NT5DC1: variants seen among roughly 807,000 people sequenced by gnomAD.
The protein encoded by NT5DC1 is 5'-nucleotidase domain-containing protein 1.
Under a neutral mutation model 59.4 loss-of-function variants are expected in NT5DC1, and 42 were observed. The ratio of observed to expected loss-of-function variants is 0.71; its 90% CI spans 0.55 to 0.92. NT5DC1 has a LOEUF of 0.92. NT5DC1 is among the 40% of genes least tolerant of loss of function. The pLI is 0.00. For missense variants in NT5DC1, 501 were observed against 537.1 expected (o/e 0.93, Z 0.66); for synonymous variants, 172 against 188.1 (o/e 0.91, Z 0.70).
chr6:116,235,574 C>G (rs1782099944), intron 8 of NT5DC1, among the ~76,000 whole-genome samples: 2 of 152,198 alleles, frequency 1.3e-5, no homozygotes, highest in African/African-American at 4.8e-5. Flanking sequence ...TGCAGAAATG[C>G]ACTTTATTAT....
intron 6 of NT5DC1, among the ~76,000 whole-genome samples, chr6:116,203,389 A>G (rs1046040384): frequency 6.6e-6 from 1 of 151,950 alleles, no homozygotes; most frequent in African/African-American, 2.4e-5. Context: ...CCTTCTAGCC[A>G]ACATCCCTTT....
At chr6:116,237,238 T>G (rs996837383) in intron 9 of NT5DC1, among the ~76,000 whole-genome samples, 154 bp downstream of exon 9, 16 of 152,128 alleles carry the variant, frequency 1.1e-4, no homozygotes, top group South Asian at 2.1e-4. Context: ...GGAGCAAGGA[T>G]TCCAAGCAGG....
intron 6 of NT5DC1, among the ~76,000 whole-genome samples, chr6:116,180,543 C>G (rs140605751): frequency 2.0e-3 from 303 of 152,166 alleles, no homozygotes; most frequent in Admixed American, 3.9e-3. Context: ...ATTGCTTAAT[C>G]TTATCACAAA....
chr6:116,158,953 G>A (rs1335402938), intron 6 of NT5DC1, among the ~76,000 whole-genome samples: 1 of 152,086 alleles, frequency 6.6e-6, no homozygotes, highest in Admixed American at 6.5e-5. Flanking sequence ...GATCCCATGT[G>A]TAAATGCAAG....
At chr6:116,219,882 A>G (rs1465063323) in intron 6 of NT5DC1, among the ~76,000 whole-genome samples, 2 of 148,478 alleles carry the variant, frequency 1.3e-5, no homozygotes, top group African/African-American at 2.5e-5. Flanking sequence ...GAATCACTTG[A>G]ACCCGGGAGG....
intron 6 of NT5DC1, among the ~76,000 whole-genome samples, chr6:116,161,434 C>G (rs1377101705): frequency 1.3e-5 from 2 of 151,648 alleles, no homozygotes; most frequent in Non-Finnish European, 2.9e-5. Flanking sequence ...AAATAGGGGT[C>G]CAGTTTTATT....
Position 116,127,963 on chromosome 6 carries a change from A to T in NT5DC1, c.529+10018A>T, listed in dbSNP as rs545099922. Among the ~76,000 whole-genome samples the T allele has an allele frequency of 1.3e-3, 202 of 152,146 alleles. 1 individual carries two copies. Among genetic ancestry groups the T allele is most frequent in the African/African-American group, 4.8e-3 (198 of 41,528 alleles). ...TTTATCAACACAATGAAAAGTTTGG[A>T]CTAGGTGGTTTCTAAGCTCCTCCCA... On this transcript the variant is annotated intron_variant, in intron 6 of 11. Transcript: ENST00000319550.
chr6:116,156,426 C>G (rs540400463), intron 6 of NT5DC1, among the ~76,000 whole-genome samples: 1 of 152,266 alleles, frequency 6.6e-6, no homozygotes, highest in South Asian at 2.1e-4. Flanking sequence ...GTTCCATTAT[C>G]TTTGCTTTCA....
At chr6:116,177,518 A>G (rs1582854399) in intron 6 of NT5DC1, among the ~76,000 whole-genome samples, 2 of 152,168 alleles carry the variant, frequency 1.3e-5, no homozygotes, top group East Asian at 3.8e-4. Flanking sequence ...GTAAGCCACT[A>G]AGTACTAAAT....
At chr6:116,221,976 C>T (rs1781817873) in intron 7 of NT5DC1, among the ~76,000 whole-genome samples, 1 of 152,142 alleles carries the variant, frequency 6.6e-6, no homozygotes, top group Admixed American at 6.6e-5. Context: ...TTAGGTCTCC[C>T]CTAATGTTTC....
chr6:116,204,437 T>C (rs1379422587), intron 6 of NT5DC1, among the ~76,000 whole-genome samples: 1 of 151,956 alleles, frequency 6.6e-6, no homozygotes, highest in South Asian at 2.1e-4. Flanking sequence ...TTTCACTTAG[T>C]ATATCAGCAA....
In NT5DC1 at chr6:116,121,811, G is replaced by A; in HGVS notation, c.529+3866G>A. The A allele has an allele frequency of 6.2e-7, 1 of 1,613,942 alleles. No individual in the cohort carries two copies. Among genetic ancestry groups the A allele is most frequent in the Non-Finnish European group, 8.5e-7 (1 of 1,179,956 alleles). On this transcript the variant is annotated intron_variant, in intron 6 of 11. Transcript: ENST00000319550. ...CACACCTGGTTTCCCTACAGCTGAT[G>A]GTCCCGGTGGTCCTGGCAACCCTGG...
intron 6 of NT5DC1, among the ~76,000 whole-genome samples, chr6:116,162,991 G>A (rs1470449152): frequency 6.6e-6 from 1 of 151,540 alleles, no homozygotes; most frequent in Non-Finnish European, 1.5e-5. Context: ...GCCAGGCGTG[G>A]CGGCAGGCAC....
chr6:116,211,669 C>G (rs1240073598), intron 6 of NT5DC1, among the ~76,000 whole-genome samples: 2 of 151,940 alleles, frequency 1.3e-5, no homozygotes, highest in African/African-American at 2.4e-5. Flanking sequence ...ATATTTATTC[C>G]TGGACAAACT....
intron 6 of NT5DC1, among the ~76,000 whole-genome samples, chr6:116,188,718 T>G (rs1447765484): frequency 1.3e-5 from 2 of 151,580 alleles, no homozygotes; most frequent in Non-Finnish European, 2.9e-5. Flanking sequence ...TTTTTTTTTT[T>G]TACCTGATTA....
intron 6 of NT5DC1, among the ~76,000 whole-genome samples, chr6:116,118,488 A>G (rs1779011663): frequency 6.6e-6 from 1 of 152,166 alleles, no homozygotes; most frequent in Admixed American, 6.5e-5. Context: ...TACCTCAGTG[A>G]CTTGAGCCAC....
rs192864147 is a variant in NT5DC1, at chr6:116,122,903, A to C, written c.529+4958A>C. 7.0e-3 allele frequency among the ~76,000 whole-genome samples: 1,069 copies of C among 152,330 alleles called. 7 individuals carry two copies. The highest frequency in any genetic ancestry group is 0.012 in the Non-Finnish European group (845 of 68,020). On this transcript the variant is annotated intron_variant, in intron 6 of 11. Transcript: ENST00000319550. The stretch of plus-strand genomic sequence containing the variant: ...TAGAGCTTTCCCCATGGATTTTCAG[A>C]AAATGACATCAGGAAAAAGACTGTG...
At chr6:116,213,750 G>A (rs1461087916) in intron 6 of NT5DC1, among the ~76,000 whole-genome samples, 1 of 152,046 alleles carries the variant, frequency 6.6e-6, no homozygotes, top group Non-Finnish European at 1.5e-5. Context: ...GAGAAGTGCT[G>A]TAACAGGCAC....
At chr6:116,226,158 A>G (rs1439192821) in intron 8 of NT5DC1, among the ~76,000 whole-genome samples, 3 of 152,164 alleles carry the variant, frequency 2.0e-5, no homozygotes, top group African/African-American at 7.2e-5. Flanking sequence ...AATTCTAATA[A>G]TATTCTTATA....
Sources: gnomAD v4.1 joint callset for allele counts (sites outside exome capture counted in the v4.1 genomes callset) on GRCh38, gnomAD v4.1.1 for gene constraint, MANE v1.5 for transcripts, NCBI Gene and HGNC (gene_info 2026-07-23, HGNC 2026-07-21) for gene names.